RASAL2: variants seen among roughly 807,000 people sequenced by gnomAD.
The protein encoded by RASAL2 is ras GTPase-activating protein nGAP.
Under a neutral mutation model 128.9 loss-of-function variants are expected in RASAL2, and 58 were observed. The ratio of observed to expected loss-of-function variants is 0.45; its 90% CI spans 0.36 to 0.56. The LOEUF (loss-of-function observed/expected upper bound fraction) is 0.56, where lower values mean the gene tolerates loss of function less well. Among genes scored for constraint, RASAL2 ranks in the 20% least tolerant of loss-of-function variants. RASAL2 has a pLI of 0.00. For missense variants in RASAL2, 1,360 were observed against 1,601.6 expected, an observed-to-expected ratio of 0.85 and a Z score of 2.57; for synonymous variants, 561 against 580.8, an observed-to-expected ratio of 0.97 and a Z score of 0.49.
In RASAL2 at chr1:178,331,360, G is replaced by A. The variant is rs557508558; in HGVS notation, c.457+31242G>A. Among the ~76,000 whole-genome samples, 44 of 152,186 alleles carry A rather than the reference G, an allele frequency of 2.9e-4. 1 individual carries two copies. The highest frequency in any genetic ancestry group is 3.4e-3 in the Middle Eastern group (1 of 294). On this transcript the variant is annotated intron_variant, in intron 3 of 17. Transcript: ENST00000367649. ...CTAAGAGGCAGCGTTCTATACTCCCGTGTCCTATGACATTGTCAGTGGTTG... is the reference window on the plus strand; with the variant it reads ...CTAAGAGGCAGCGTTCTATACTCCCATGTCCTATGACATTGTCAGTGGTTG...
intron 1 of RASAL2, among the ~76,000 whole-genome samples, chr1:178,276,887 G>T (rs1666541274): frequency 6.6e-6 from 1 of 151,932 alleles, no homozygotes; most frequent in South Asian, 2.1e-4. Context: ...AGTGGCTCAT[G>T]CCTGTAATCC....
intron 3 of RASAL2, among the ~76,000 whole-genome samples, chr1:178,346,085 G>GT (rs1258096082): frequency 9.9e-5 from 15 of 152,228 alleles, no homozygotes; most frequent in South Asian, 2.1e-4. Context: ...AATTTAAGGA[G>GT]TTTTTTTATT....
intron 1 of RASAL2, among the ~76,000 whole-genome samples, chr1:178,199,052 G>A (rs1426204109): frequency 6.6e-6 from 1 of 152,170 alleles, no homozygotes; most frequent in Non-Finnish European, 1.5e-5. Context: ...TGGCTGCCCT[G>A]CAGTTCGATC....
chr1:178,386,704 T>TC (rs1672593923), intron 3 of RASAL2, among the ~76,000 whole-genome samples: 1 of 152,228 alleles, frequency 6.6e-6, no homozygotes, highest in Non-Finnish European at 1.5e-5. Context: ...ATCTCTCTTG[T>TC]CTCATCAGTC....
intron 3 of RASAL2, among the ~76,000 whole-genome samples, chr1:178,348,839 GC>G (rs1229158525): frequency 6.8e-6 from 1 of 146,408 alleles, no homozygotes; most frequent in African/African-American, 2.5e-5. Flanking sequence ...TCTCGCTCTC[GC>G]CCAGGCTGGA....
intron 3 of RASAL2, among the ~76,000 whole-genome samples, chr1:178,338,927 G>A (rs1366164832): frequency 6.6e-6 from 1 of 152,204 alleles, no homozygotes; most frequent in Admixed American, 6.5e-5. Context: ...GGGTGGGGTG[G>A]CAGCAGGGAC....
intron 1 of RASAL2, among the ~76,000 whole-genome samples, chr1:178,155,523 T>TATGTAA (rs1467385400): frequency 6.6e-6 from 1 of 151,992 alleles, no homozygotes; most frequent in African/African-American, 2.4e-5. Flanking sequence ...TAATTTACAT[T>TATGTAA]GCCTTAAAAA....
chr1:178,454,654 G>A lies in RASAL2; in HGVS notation c.2211+6G>A. The A allele has an allele frequency of 6.2e-7, 1 of 1,611,882 alleles. No individual in the cohort carries two copies. Among genetic ancestry groups the A allele is most frequent in the African/African-American group, 1.3e-5 (1 of 74,972 alleles). On this transcript the variant is annotated splice_donor_region_variant and intron_variant, in intron 12 of 17. Coordinates refer to ENST00000367649, the MANE Select transcript of RASAL2 (RefSeq NM_170692.4). ...TAGTTTCCCAACTTGATAAGGTAAA[G>A]TAGGTTGGTGGAAGATAGAGAACTT...
intron 3 of RASAL2, among the ~76,000 whole-genome samples, chr1:178,388,754 G>C (rs1672727908): frequency 6.6e-6 from 1 of 152,188 alleles, no homozygotes; most frequent in Non-Finnish European, 1.5e-5. Context: ...GTGTAAAATG[G>C]TGTCCTTTTG....
chr1:178,379,109 A>G (rs1672145028), intron 3 of RASAL2, among the ~76,000 whole-genome samples: 1 of 152,154 alleles, frequency 6.6e-6, no homozygotes, highest in Non-Finnish European at 1.5e-5. Context: ...TATAAAAAAG[A>G]CCTTTTTGAT....
At chr1:178,187,349 A>G (rs1285180148) in intron 1 of RASAL2, among the ~76,000 whole-genome samples, 1 of 152,152 alleles carries the variant, frequency 6.6e-6, no homozygotes, top group East Asian at 1.9e-4. Context: ...CATGTTAGAT[A>G]CTGTATTTTT....
At chr1:178,355,811 A>C (rs1481693537) in intron 3 of RASAL2, among the ~76,000 whole-genome samples, 1 of 152,236 alleles carries the variant, frequency 6.6e-6, no homozygotes, top group Admixed American at 6.5e-5. Flanking sequence ...TCACAAAAGA[A>C]TATAACCAAA....
In RASAL2 at chr1:178,454,635, C is replaced by T; in HGVS notation, c.2198C>T (p.Ser733Phe). 6.2e-7 allele frequency: 1 copy of T among 1,613,522 alleles called. No homozygotes were observed. ...CATTCCTTACTGTGGGAAGTAGTTT[C>T]CCAACTTGATAAGGTAAAGTAGGTT... is the stretch of plus-strand genomic sequence containing the variant. ...VLHSLLWEVV[S>F]QLDKATVAKL... is the part of the protein sequence containing the mutation. The change falls in exon 12 of 18, where the codon TCC (serine) becomes TTC (phenylalanine). Residue 733 changes from serine (S) to phenylalanine (F), a missense_variant. Around this residue, in one of 3 missense-constraint regions of RASAL2, gnomAD observed 741 missense variants for 868.6 expected, o/e 0.85. Coordinates refer to ENST00000367649, the MANE Select transcript of RASAL2 (RefSeq NM_170692.4).
intron 1 of RASAL2, among the ~76,000 whole-genome samples, chr1:178,271,832 A>G (rs1204283050): frequency 2.6e-5 from 4 of 152,158 alleles, no homozygotes; most frequent in Non-Finnish European, 1.5e-5. Flanking sequence ...ACTTTTCACT[A>G]GCCTCCTATC....
chr1:178,214,806 C>T (rs1663372263), intron 1 of RASAL2, among the ~76,000 whole-genome samples: 1 of 152,046 alleles, frequency 6.6e-6, no homozygotes, highest in Admixed American at 6.5e-5. Context: ...GATCTGCCCG[C>T]CTCGGCCTCT....
intron 5 of RASAL2, 78 bp from the exon 6 acceptor site, chr1:178,439,344 G>T: frequency 8.5e-6 from 11 of 1,288,066 alleles, no homozygotes; most frequent in Non-Finnish European, 1.2e-5. Context: ...TACATTTATT[G>T]TTATCCTCCA....
chr1:178,220,817 G>C (rs1204138574), intron 1 of RASAL2, among the ~76,000 whole-genome samples: 2 of 152,096 alleles, frequency 1.3e-5, no homozygotes, highest in Non-Finnish European at 2.9e-5. Flanking sequence ...TTAGCCATTT[G>C]TCTACTGAAA....
chr1:178,371,061 C>T (rs1671672440), intron 3 of RASAL2, among the ~76,000 whole-genome samples: 1 of 151,606 alleles, frequency 6.6e-6, no homozygotes, highest in African/African-American at 2.4e-5. Context: ...TAATCAATCT[C>T]CAGAGAACAA....
intron 1 of RASAL2, among the ~76,000 whole-genome samples, chr1:178,178,363 A>G (rs944871134): frequency 3.6e-4 from 55 of 152,282 alleles, no homozygotes; most frequent in Non-Finnish European, 6.9e-4. Flanking sequence ...AAAAAAAATC[A>G]TTCAAATCAT....
Sources: allele counts gnomAD v4.1 joint callset (sites outside exome capture counted in the v4.1 genomes callset), GRCh38; gene constraint gnomAD v4.1.1; regional missense constraint gnomAD v4.1.1; transcripts MANE v1.5; gene names NCBI Gene and HGNC (gene_info 2026-07-23, HGNC 2026-07-21).